MRTFA: variants seen among roughly 807,000 people sequenced by gnomAD.
MRTFA encodes myocardin-related transcription factor A.
Under a neutral mutation model 83.5 loss-of-function variants are expected in MRTFA, and 20 were observed. The ratio of observed to expected loss-of-function variants is 0.24; its 90% confidence interval spans 0.17 to 0.35. MRTFA has a LOEUF of 0.35. MRTFA is among the 10% of genes least tolerant of loss of function. MRTFA has a pLI of 1.00. For synonymous variants in MRTFA, 659 were observed against 541.2 expected (o/e 1.22, Z -3.02); for missense variants, 1,200 against 1,224.7 (o/e 0.98, Z 0.30).
At chr22:40,499,796 G>A (rs1257791979) in intron 3 of MRTFA, among the ~76,000 whole-genome samples, 2 of 151,348 alleles carry the variant, frequency 1.3e-5, no homozygotes, top group Non-Finnish European at 2.9e-5. Context: ...GGGTCAAACT[G>A]ATTTTACTTC....
intron 3 of MRTFA, among the ~76,000 whole-genome samples, chr22:40,535,120 G>A (rs1388409647): frequency 6.6e-6 from 1 of 152,114 alleles, no homozygotes; most frequent in Non-Finnish European, 1.5e-5. Context: ...AGCAGCCAGT[G>A]TGGGCTAAAT....
intron 3 of MRTFA, among the ~76,000 whole-genome samples, chr22:40,492,157 A>C (rs2054282210): frequency 6.6e-6 from 1 of 152,180 alleles, no homozygotes; most frequent in African/African-American, 2.4e-5. Flanking sequence ...CCAATGCTGC[A>C]ATAAACCACT....
intron 11 of MRTFA, 79 bp from the exon 12 acceptor site, chr22:40,419,463 G>A: frequency 7.6e-7 from 1 of 1,315,910 alleles, no homozygotes; most frequent in Non-Finnish European, 1.1e-6. Flanking sequence ...GGCAGTCTGG[G>A]CCCCATGGGC....
Position 40,625,457 on chromosome 22 carries a change from A to ACTC in MRTFA, c.-84+11020_-84+11021insGAG, listed in dbSNP as rs2056571144. 4.3e-5 allele frequency among the ~76,000 whole-genome samples: 6 copies of ACTC among 138,882 alleles called. No homozygotes were observed. The East Asian group carries it at 1.0e-3, about 24-fold the overall frequency. The allele number at this position is 138,882 out of a possible 152,430, so 91.1% of individuals were successfully genotyped here. On this transcript the variant is annotated intron_variant, in intron 1 of 14. Coordinates refer to ENST00000355630, the MANE Select transcript of MRTFA (RefSeq NM_020831.6). ...ATAGCAAGGCCCTCTCTCTAAATAA[A>ACTC]TAAATAAATAAATAAATAAATAAAT...
In MRTFA at chr22:40,525,814, T is replaced by C. The variant is rs144849044; in HGVS notation, c.241+26292A>G. The stretch of plus-strand genomic sequence containing the variant: ...TTCAACAATTATTAAGTGCTTACAA[T>C]ACACGAAGTATTCTTATACACAAGG... On this transcript the variant is annotated intron_variant, in intron 3 of 14. Transcript: ENST00000355630. Among the ~76,000 whole-genome samples the C allele has an allele frequency of 5.0e-3, 760 of 151,930 alleles. 18 individuals are homozygous for C. In the Middle Eastern group the frequency reaches 0.061, roughly 12 times the overall value.
At chr22:40,590,247 A>G (rs573199120) in intron 2 of MRTFA, among the ~76,000 whole-genome samples, 30 of 152,192 alleles carry the variant, frequency 2.0e-4, no homozygotes, top group Non-Finnish European at 4.1e-4. Context: ...ATGGCTGTAT[A>G]GATTATGTAT....
intron 4 of MRTFA, among the ~76,000 whole-genome samples, chr22:40,461,230 A>G (rs1299530751): frequency 6.6e-6 from 1 of 150,452 alleles, no homozygotes; most frequent in Non-Finnish European, 1.5e-5. Context: ...AAAAAAAAAA[A>G]AGTTAAAAGA....
intron 3 of MRTFA, among the ~76,000 whole-genome samples, chr22:40,467,780 T>TC (rs2053834026): frequency 6.6e-6 from 1 of 152,186 alleles, no homozygotes; most frequent in Non-Finnish European, 1.5e-5. Context: ...CCCAAGCCAA[T>TC]AAAGACTCAA....
intron 2 of MRTFA, among the ~76,000 whole-genome samples, chr22:40,584,582 C>T (rs1022244060): frequency 6.6e-6 from 1 of 151,902 alleles, no homozygotes; most frequent in Admixed American, 6.6e-5. Flanking sequence ...ACTAAAAATG[C>T]AAAATTAGCC....
In MRTFA at chr22:40,476,760, G is replaced by C. The variant is rs1450836552; in HGVS notation, c.242-13474C>G. Among the ~76,000 whole-genome samples the C allele has an allele frequency of 3.9e-5, 6 of 151,996 alleles. No individual in the cohort carries two copies. In the South Asian group the frequency reaches 1.2e-3, roughly 32 times the overall value. On this transcript the variant is annotated intron_variant, in intron 3 of 14. Transcript: ENST00000355630. ...AACCACCGCGCAGCCTAAACACTAA[G>C]TTTCTCTTGTCCTTTTCATGATAAT...
chr22:40,515,307 C>T (rs2054739424), intron 3 of MRTFA, among the ~76,000 whole-genome samples: 1 of 152,044 alleles, frequency 6.6e-6, no homozygotes, highest in Non-Finnish European at 1.5e-5. Flanking sequence ...ATATAAAATG[C>T]TAAAACAATA....
At chr22:40,424,420 C>T (rs752343040) in intron 7 of MRTFA, 39 bp from the exon 8 acceptor site, 6 of 1,603,100 alleles carry the variant, frequency 3.7e-6, no homozygotes, top group South Asian at 1.1e-5. Flanking sequence ...ACTTCCAGCC[C>T]AGGGAACAGA....
intron 3 of MRTFA, among the ~76,000 whole-genome samples, chr22:40,498,641 A>C (rs1187708565): frequency 6.6e-6 from 1 of 151,986 alleles, no homozygotes; most frequent in African/African-American, 2.4e-5. Flanking sequence ...GCTGAGGGAG[A>C]AGACAGACAC....
intron 1 of MRTFA, among the ~76,000 whole-genome samples, chr22:40,627,961 ACT>A (rs1569359380): frequency 1.3e-5 from 2 of 152,000 alleles, no homozygotes; most frequent in Non-Finnish European, 2.9e-5. Context: ...ACAAAGCAAG[ACT>A]CTGTCTAAAA....
At chr22:40,519,667 TA>T (rs1270837161) in intron 3 of MRTFA, 78 of 1,192,506 alleles carry the variant, frequency 6.5e-5, no homozygotes, top group South Asian at 2.0e-4. Context: ...TCCATAAACT[TA>T]AAAAAAATGT....
chr22:40,486,435 T>G (rs2054176121), intron 3 of MRTFA, among the ~76,000 whole-genome samples: 1 of 152,220 alleles, frequency 6.6e-6, no homozygotes, highest in African/African-American at 2.4e-5. Flanking sequence ...TGGTGACTGG[T>G]CTCAACAAAA....
At position 40,545,057 on chromosome 22, in the gene MRTFA, A is replaced by C. The variant is rs564767971; in HGVS notation, c.241+7049T>G. ...GGTATATATATAAAATAACTGGTAT[A>C]TATAATTAGTAAAAGAAATCACTTT... On this transcript the variant is annotated intron_variant, in intron 3 of 14. Coordinates refer to ENST00000355630, the MANE Select transcript of MRTFA (RefSeq NM_020831.6). Among the ~76,000 whole-genome samples, 16 of 152,054 alleles carry C rather than the reference A, an allele frequency of 1.1e-4. No individual in the cohort carries two copies. In the South Asian group the frequency reaches 3.3e-3, roughly 32 times the overall value.
At chr22:40,507,443 G>A (rs1170860190) in intron 3 of MRTFA, among the ~76,000 whole-genome samples, 1 of 151,898 alleles carries the variant, frequency 6.6e-6, no homozygotes, top group African/African-American at 2.4e-5. Flanking sequence ...GACCAGCCTG[G>A]GTAACATGGC....
At chr22:40,471,397 C>T (rs943320724) in intron 3 of MRTFA, among the ~76,000 whole-genome samples, 2 of 151,464 alleles carry the variant, frequency 1.3e-5, no homozygotes, top group Non-Finnish European at 2.9e-5. Flanking sequence ...AGCAAGACTC[C>T]ATCTCAAAAA....
Sources: gnomAD v4.1 joint callset for allele counts (sites outside exome capture counted in the v4.1 genomes callset) on GRCh38, gnomAD v4.1.1 for gene constraint, MANE v1.5 for transcripts, NCBI Gene and HGNC (gene_info 2026-07-23, HGNC 2026-07-21) for gene names.